NCKAP5: variants seen among roughly 807,000 people sequenced by gnomAD.
NCKAP5 encodes NCK associated protein 5.
Under a neutral mutation model 167.0 loss-of-function variants are expected in NCKAP5, and 92 were observed. That is an observed-to-expected ratio of 0.55 (90% CI 0.47 to 0.66). The LOEUF (loss-of-function observed/expected upper bound fraction) is 0.66. NCKAP5 is among the 30% of genes least tolerant of loss of function. The pLI is 0.00. For synonymous variants in NCKAP5, 891 were observed against 877.4 expected (o/e 1.02, Z -0.27); for missense variants, 2,378 against 2,315.0 (o/e 1.03, Z -0.56).
At chr2:132,810,258 A>T (rs748701985) in intron 11 of NCKAP5, among the ~76,000 whole-genome samples, 48 of 152,210 alleles carry the variant, frequency 3.2e-4, no homozygotes, top group Non-Finnish European at 8.8e-5. Context: ...CTAGGCAAAG[A>T]TCATTTTGTG....
At chr2:133,065,769 G>A (rs1344518966) in intron 6 of NCKAP5, among the ~76,000 whole-genome samples, 1 of 152,164 alleles carries the variant, frequency 6.6e-6, no homozygotes, top group East Asian at 1.9e-4. Flanking sequence ...AATGACTATG[G>A]CCACGTCACT....
At chr2:133,415,064 T>C (rs1417550074) in intron 3 of NCKAP5, among the ~76,000 whole-genome samples, 1 of 152,218 alleles carries the variant, frequency 6.6e-6, no homozygotes, top group Non-Finnish European at 1.5e-5. Flanking sequence ...GCCAAGCGGC[T>C]GCTGTCCATT....
At chr2:132,704,513 A>G (rs989355046) in intron 19 of NCKAP5, among the ~76,000 whole-genome samples, 1 of 152,130 alleles carries the variant, frequency 6.6e-6, no homozygotes, top group Non-Finnish European at 1.5e-5. Flanking sequence ...CCCACCAATA[A>G]CAACAGCAAC....
At chr2:133,461,750 A>G (rs2151235136) in intron 3 of NCKAP5, among the ~76,000 whole-genome samples, 1 of 152,320 alleles carries the variant, frequency 6.6e-6, no homozygotes, top group African/African-American at 2.4e-5. Context: ...GAACTGAGAA[A>G]TGTGGCCAAG....
chr2:132,712,429 A>T (rs1033363258), intron 19 of NCKAP5, among the ~76,000 whole-genome samples: 2 of 152,112 alleles, frequency 1.3e-5, no homozygotes. Flanking sequence ...AGGGGGGCGG[A>T]TCATGAGGTC....
At chr2:132,815,965 T>C (rs1482110133) in intron 11 of NCKAP5, among the ~76,000 whole-genome samples, 1 of 152,186 alleles carries the variant, frequency 6.6e-6, no homozygotes, top group Non-Finnish European at 1.5e-5. Context: ...GCTACATCCA[T>C]AACCAGGGAG....
intron 3 of NCKAP5, among the ~76,000 whole-genome samples, chr2:133,412,933 A>G (rs924256635): frequency 3.3e-5 from 5 of 152,230 alleles, no homozygotes; most frequent in Admixed American, 2.0e-4. Context: ...GTGTACTACA[A>G]TGGTTTACCT....
chr2:132,675,073 A>G (rs1215425564), intron 19 of NCKAP5, among the ~76,000 whole-genome samples: 3 of 152,212 alleles, frequency 2.0e-5, no homozygotes, highest in Non-Finnish European at 4.4e-5. Flanking sequence ...ATTTTTCTTC[A>G]TTTAAGAACC....
At chr2:133,038,802 TA>T (rs1559076592) in intron 6 of NCKAP5, among the ~76,000 whole-genome samples, 1 of 151,952 alleles carries the variant, frequency 6.6e-6, no homozygotes, top group Non-Finnish European at 1.5e-5. Flanking sequence ...AATCAAAGGT[TA>T]AAAAAAGATC....
At chr2:132,743,414 C>T (rs1290129928) in intron 16 of NCKAP5, among the ~76,000 whole-genome samples, 1 of 151,462 alleles carries the variant, frequency 6.6e-6, no homozygotes, top group African/African-American at 2.4e-5. Flanking sequence ...TATATAACAG[C>T]ACAAAGGATG....
At chr2:132,962,150 C>A (rs1427995133) in intron 8 of NCKAP5, among the ~76,000 whole-genome samples, 2 of 152,182 alleles carry the variant, frequency 1.3e-5, no homozygotes, top group Non-Finnish European at 2.9e-5. Context: ...AGTAGCCCAA[C>A]TCTTTCATTC....
chr2:133,492,777 A>G (rs1324602105), intron 3 of NCKAP5, among the ~76,000 whole-genome samples: 2 of 152,182 alleles, frequency 1.3e-5, no homozygotes, highest in East Asian at 1.9e-4. Context: ...ATAAAATCCA[A>G]TTACATGAAT....
chr2:133,243,305 G>A (rs2087814278), intron 4 of NCKAP5, among the ~76,000 whole-genome samples: 2 of 152,158 alleles, frequency 1.3e-5, no homozygotes, highest in Non-Finnish European at 1.5e-5. Flanking sequence ...GATGTATGAT[G>A]AGATTCTCAA....
chr2:133,548,991 A>C (rs1332478152), intron 2 of NCKAP5, among the ~76,000 whole-genome samples: 1 of 151,782 alleles, frequency 6.6e-6, no homozygotes, highest in Admixed American at 6.6e-5. Context: ...CCCATCTCAC[A>C]TGCAGAGACA....
chr2:132,691,218 A>C (rs1686685128), intron 19 of NCKAP5, among the ~76,000 whole-genome samples: 1 of 152,096 alleles, frequency 6.6e-6, no homozygotes, highest in Non-Finnish European at 1.5e-5. Context: ...TTAGTTTCCC[A>C]ACTGTGCTTC....
At chr2:132,845,767 A>G (rs1167982566) in intron 11 of NCKAP5, among the ~76,000 whole-genome samples, 1 of 152,188 alleles carries the variant, frequency 6.6e-6, no homozygotes, top group East Asian at 1.9e-4. Context: ...ACTGGAGAAC[A>G]TTTCTAACTT....
intron 6 of NCKAP5, among the ~76,000 whole-genome samples, chr2:133,036,795 C>T (rs1226157536): frequency 2.0e-5 from 3 of 151,914 alleles, no homozygotes; most frequent in Non-Finnish European, 4.4e-5. Flanking sequence ...TGTTATTCAC[C>T]ATAGTATTAG....
intron 16 of NCKAP5, among the ~76,000 whole-genome samples, chr2:132,760,396 C>G (rs1441204856): frequency 6.6e-6 from 1 of 152,128 alleles, no homozygotes; most frequent in South Asian, 2.1e-4. Flanking sequence ...GTCTCAGATA[C>G]AAATTATATC....
At chr2:132,966,718 A>C (rs1429684107) in intron 7 of NCKAP5, among the ~76,000 whole-genome samples, 1 of 152,184 alleles carries the variant, frequency 6.6e-6, no homozygotes, top group African/African-American at 2.4e-5. Context: ...ATTCATTCAC[A>C]CTGACCTAAC....
Sources: gnomAD v4.1 joint callset for allele counts (sites outside exome capture counted in the v4.1 genomes callset) on GRCh38, gnomAD v4.1.1 for gene constraint, MANE v1.5 for transcripts, NCBI Gene and HGNC (gene_info 2026-07-23, HGNC 2026-07-21) for gene names.